The following KIAA1549L variants were observed in gnomAD, a reference collection of about 807,000 sequenced individuals.
KIAA1549L encodes UPF0606 protein KIAA1549L.
Under a neutral mutation model 160.7 loss-of-function variants are expected in KIAA1549L, and 88 were observed. The ratio of observed to expected loss-of-function variants is 0.55; its 90% CI spans 0.46 to 0.65. The LOEUF is 0.65. KIAA1549L is among the 30% of genes least tolerant of loss of function. KIAA1549L has a pLI of 0.00. For missense variants in KIAA1549L, 2,258 were observed against 2,437.5 expected, an observed-to-expected ratio of 0.93 and a Z score of 1.55; for synonymous variants, 950 against 976.7, an observed-to-expected ratio of 0.97 and a Z score of 0.51.
chr11:33,496,145 G>A (rs896311615), intron 1 of KIAA1549L, among the ~76,000 whole-genome samples: 2 of 152,090 alleles, frequency 1.3e-5, no homozygotes, highest in Non-Finnish European at 2.9e-5. Context: ...TGTATTTTTA[G>A]TAGAGATGGG....
At chr11:33,454,417 A>G (rs1851780571) in intron 1 of KIAA1549L, among the ~76,000 whole-genome samples, 2 of 152,240 alleles carry the variant, frequency 1.3e-5, no homozygotes, top group South Asian at 4.1e-4. Flanking sequence ...AGAGCTTGAC[A>G]TTAATAGCTA....
chr11:33,439,476 C>T lies in KIAA1549L; in HGVS notation c.238+62587C>T, dbSNP rs974085138. 2.0e-5 allele frequency among the ~76,000 whole-genome samples: 3 copies of T among 152,074 alleles called. No individual in the cohort carries two copies. In the South Asian group the frequency reaches 6.2e-4, roughly 32 times the overall value. On this transcript the variant is annotated intron_variant, in intron 1 of 20. Transcript: ENST00000658780. ...GGAGTGCAGTGGCGTGATCTCAGCT[C>T]ACTGCAAGCTCCGCCTTCCGGGTTC...
chr11:33,631,917 CAA>C (rs1488207520), intron 16 of KIAA1549L, among the ~76,000 whole-genome samples: 1 of 152,118 alleles, frequency 6.6e-6, no homozygotes, highest in Non-Finnish European at 1.5e-5. Context: ...AATGAACAAA[CAA>C]GTGTGTCAAA....
At chr11:33,465,969 G>A (rs1248528223) in intron 1 of KIAA1549L, among the ~76,000 whole-genome samples, 1 of 152,166 alleles carries the variant, frequency 6.6e-6, no homozygotes, top group Non-Finnish European at 1.5e-5. Context: ...AAAAGCAATG[G>A]CAACAAAGCC....
chr11:33,423,780 C>T (rs1314737979), intron 1 of KIAA1549L, among the ~76,000 whole-genome samples: 1 of 152,154 alleles, frequency 6.6e-6, no homozygotes, highest in African/African-American at 2.4e-5. Context: ...GTAATTCGAG[C>T]ACTTTGGGAG....
chr11:33,606,309 T>A (rs1292958257), intron 13 of KIAA1549L, among the ~76,000 whole-genome samples: 1 of 152,210 alleles, frequency 6.6e-6, no homozygotes, highest in Non-Finnish European at 1.5e-5. Context: ...TTTTCTCACC[T>A]CCAACTCAAA....
chr11:33,652,855 A>G (rs991590912), intron 17 of KIAA1549L, among the ~76,000 whole-genome samples: 9 of 152,282 alleles, frequency 5.9e-5, no homozygotes, highest in African/African-American at 2.2e-4. Flanking sequence ...GGCCAAATTC[A>G]CCAGGGCACC....
intron 1 of KIAA1549L, among the ~76,000 whole-genome samples, chr11:33,511,589 G>C (rs770067120): frequency 2.6e-5 from 4 of 152,220 alleles, no homozygotes; most frequent in Non-Finnish European, 4.4e-5. Context: ...TGGTTGCCCA[G>C]GTGAATCTGA....
intron 1 of KIAA1549L, among the ~76,000 whole-genome samples, chr11:33,379,373 C>A (rs967283439): frequency 6.6e-6 from 1 of 152,144 alleles, no homozygotes; most frequent in African/African-American, 2.4e-5. Context: ...CTGTTGTCAT[C>A]TTCACTGCCC....
At chr11:33,522,606 A>G (rs780756067) in intron 1 of KIAA1549L, among the ~76,000 whole-genome samples, 3 of 152,216 alleles carry the variant, frequency 2.0e-5, no homozygotes, top group African/African-American at 4.8e-5. Context: ...AGAAGGCATT[A>G]GAACCAATCA....
chr11:33,497,906 T>C (rs909534007), intron 1 of KIAA1549L, among the ~76,000 whole-genome samples: 8 of 152,224 alleles, frequency 5.3e-5, no homozygotes, highest in Non-Finnish European at 1.2e-4. Context: ...CATTCTGATC[T>C]GGATTCAAAT....
chr11:33,486,388 C>T (rs1183241990), intron 1 of KIAA1549L, among the ~76,000 whole-genome samples: 1 of 152,128 alleles, frequency 6.6e-6, no homozygotes, highest in Non-Finnish European at 1.5e-5. Flanking sequence ...GATTTTGGAT[C>T]ATACATTGCT....
At chr11:33,505,665 A>G (rs532370391) in intron 1 of KIAA1549L, among the ~76,000 whole-genome samples, 25 of 152,306 alleles carry the variant, frequency 1.6e-4, no homozygotes, top group South Asian at 1.5e-3. Context: ...GCAATGGGAC[A>G]GTTTCTTTCT....
At chr11:33,499,065 A>G (rs1398924329) in intron 1 of KIAA1549L, among the ~76,000 whole-genome samples, 2 of 151,904 alleles carry the variant, frequency 1.3e-5, no homozygotes, top group Non-Finnish European at 2.9e-5. Context: ...TTTCTGAACC[A>G]TTGCACTGAA....
At chr11:33,647,509 C>T (rs1032881722) in intron 17 of KIAA1549L, among the ~76,000 whole-genome samples, 4 of 151,786 alleles carry the variant, frequency 2.6e-5, no homozygotes, top group South Asian at 2.1e-4. Context: ...TCACAAAAAC[C>T]GAGAAGTTAT....
At chr11:33,547,625 G>A (rs550005936) in intron 3 of KIAA1549L, 139 bp from the exon 4 acceptor site, 23 of 604,090 alleles carry the variant, frequency 3.8e-5, no homozygotes, top group Admixed American at 5.7e-5. Context: ...CCACCCCAGC[G>A]CACCCCCTCA....
chr11:33,456,266 C>T (rs922913532), intron 1 of KIAA1549L, among the ~76,000 whole-genome samples: 9 of 152,056 alleles, frequency 5.9e-5, no homozygotes, highest in African/African-American at 9.7e-5. Flanking sequence ...TGAATGGAGG[C>T]GGGTATCATG....
At chr11:33,654,349 C>G (rs1254996410) in intron 17 of KIAA1549L, among the ~76,000 whole-genome samples, 1 of 152,164 alleles carries the variant, frequency 6.6e-6, no homozygotes, top group African/African-American at 2.4e-5. Flanking sequence ...CTCTAAAGTC[C>G]TTAAAGGTCT....
chr11:33,573,200 T>C (rs990419769), intron 9 of KIAA1549L, among the ~76,000 whole-genome samples: 6 of 152,204 alleles, frequency 3.9e-5, no homozygotes, highest in African/African-American at 1.4e-4. Flanking sequence ...TAAAGGACAC[T>C]AATAAAAAGA....
Sources: gnomAD v4.1 joint callset for allele counts (sites outside exome capture counted in the v4.1 genomes callset) on GRCh38, gnomAD v4.1.1 for gene constraint, MANE v1.5 for transcripts, NCBI Gene and HGNC (gene_info 2026-07-23, HGNC 2026-07-21) for gene names.